Variants in TPH2 observed in about 807,000 individuals in gnomAD.
TPH2 encodes tryptophan hydroxylase 2.
A neutral mutation model predicts 59.1 loss-of-function variants in TPH2; 27 were observed. That is an observed-to-expected ratio of 0.46 (90% CI 0.34 to 0.63). The LOEUF is 0.63. Among genes scored for constraint, TPH2 ranks in the 30% least tolerant of loss-of-function variants. TPH2 has a pLI of 0.01. For synonymous variants in TPH2, 220 were observed against 210.5 expected (o/e 1.05, Z -0.39); for missense variants, 523 against 588.3 (o/e 0.89, Z 1.15).
chr12:71,938,945 T>C lies in TPH2; in HGVS notation c.-42T>C, dbSNP rs773223380. ...TCCGCCAGCGCTGCTACTGCCCCTCTAGTACCCCCTGCTGCAGAGAAAGAA... is the reference window on the plus strand; with the variant it reads ...TCCGCCAGCGCTGCTACTGCCCCTCCAGTACCCCCTGCTGCAGAGAAAGAA... On this transcript the variant is annotated 5_prime_UTR_variant, in exon 1 of 11. Transcript: ENST00000333850. 1 of 1,541,172 alleles carries C rather than the reference T, an allele frequency of 6.5e-7. No individual in the cohort carries two copies. The highest frequency in any genetic ancestry group is 2.2e-5 in the East Asian group (1 of 44,506).
intron 5 of TPH2, among the ~76,000 whole-genome samples, chr12:71,969,198 G>A (rs1326720356): frequency 6.6e-6 from 1 of 152,170 alleles, no homozygotes; most frequent in Non-Finnish European, 1.5e-5. Flanking sequence ...CAGGAGAATG[G>A]CGTGAACCCG....
chr12:71,994,305 G>A (rs1872642975), intron 7 of TPH2, 134 bp from the exon 8 acceptor site: 1 of 912,492 alleles, frequency 1.1e-6, no homozygotes, highest in Non-Finnish European at 1.8e-6. Flanking sequence ...TGATTAAGAA[G>A]TCCCAGCATT....
chr12:72,021,191 C>T (rs1873402640), intron 8 of TPH2, among the ~76,000 whole-genome samples: 1 of 152,144 alleles, frequency 6.6e-6, no homozygotes, highest in Non-Finnish European at 1.5e-5. Context: ...TTCAGCCTCT[C>T]TCAACAGCAC....
chr12:71,995,429 C>T (rs1872670820), intron 8 of TPH2, among the ~76,000 whole-genome samples: 1 of 152,178 alleles, frequency 6.6e-6, no homozygotes, highest in African/African-American at 2.4e-5. Context: ...GTATTCAGCA[C>T]AGGTACACCA....
chr12:71,948,971 G>C (rs1871274044), intron 4 of TPH2, among the ~76,000 whole-genome samples: 1 of 152,126 alleles, frequency 6.6e-6, no homozygotes, highest in Non-Finnish European at 1.5e-5. Flanking sequence ...TCTTGAAGTT[G>C]GCTAAGACTA....
chr12:71,956,042 G>C (rs1028895169), intron 5 of TPH2, among the ~76,000 whole-genome samples: 4 of 152,182 alleles, frequency 2.6e-5, no homozygotes, highest in Non-Finnish European at 5.9e-5. Flanking sequence ...TCATCCAAAG[G>C]CTTGACTAGG....
Position 71,944,370 on chromosome 12 carries a change from A to C in TPH2, c.332A>C (p.Asp111Ala). The C allele has an allele frequency of 6.2e-7, 1 of 1,613,906 alleles. No homozygotes were observed. The change falls in exon 3 of 11, where the codon GAC becomes GCC. Residue 111 changes from aspartate (D) to alanine (A), a missense_variant. Transcript: ENST00000333850. ...AGTTCTGAGGTTGAAATCTTTGTGG[A>C]CTGTGAGTGTGGGAAAACAGAATTC... Reference protein sequence around the residue: ...RRSSEVEIFVDCECGKTEFNE... With the variant: ...RRSSEVEIFVACECGKTEFNE...
At chr12:71,988,645 G>A (rs889628432) in intron 7 of TPH2, among the ~76,000 whole-genome samples, 2 of 152,124 alleles carry the variant, frequency 1.3e-5, no homozygotes, top group Non-Finnish European at 1.5e-5. Flanking sequence ...CTCCCACCAG[G>A]CCCCACCTTC....
chr12:72,002,697 G>A (rs1350295703), intron 8 of TPH2, among the ~76,000 whole-genome samples: 1 of 150,814 alleles, frequency 6.6e-6, no homozygotes, highest in African/African-American at 2.4e-5. Context: ...AATCTAGAAT[G>A]TTTTTTGAAA....
In TPH2 at chr12:72,027,270, C is replaced by T. The variant is rs142176882; in HGVS notation, c.1165-3988C>T. ...CGTTTAATTCTCTACGGGTTTCAGACCCCTGAGGGAGAAGGGCTGCACAAA... is the reference window on the plus strand; with the variant it reads ...CGTTTAATTCTCTACGGGTTTCAGATCCCTGAGGGAGAAGGGCTGCACAAA... On this transcript the variant is annotated intron_variant, in intron 9 of 10. Transcript: ENST00000333850. 3.2e-3 allele frequency among the ~76,000 whole-genome samples: 483 copies of T among 152,240 alleles called. 1 individual carries two copies. Among genetic ancestry groups the T allele is most frequent in the Middle Eastern group, 0.01 (3 of 294 alleles).
intron 5 of TPH2, chr12:71,965,084 A>G (rs563725084): frequency 6.6e-6 from 1 of 152,336 alleles, no homozygotes; most frequent in East Asian, 1.9e-4. Flanking sequence ...AATAGCCTCC[A>G]GCTCCATCCA....
intron 7 of TPH2, among the ~76,000 whole-genome samples, chr12:71,992,178 G>T (rs531992346): frequency 3.9e-5 from 6 of 152,274 alleles, no homozygotes; most frequent in Non-Finnish European, 1.5e-5. Context: ...TCTTCCTACG[G>T]CCTAAGCTAT....
chr12:71,949,599 C>T lies in TPH2; in HGVS notation c.552C>T (p.Asp184=). 1.9e-6 allele frequency: 3 copies of T among 1,612,936 alleles called. No homozygotes were observed. The highest frequency in any genetic ancestry group is 2.5e-6 in the Non-Finnish European group (3 of 1,179,146). The part of the protein sequence containing the change: ...ELDADHPGFK[D]NVYRQRRKYF... Reference sequence around the variant, plus strand: ...TTTTTGTGTTTAAGGGATTTAAGGACAATGTCTATCGACAGAGAAGAAAGT... The same window carrying T: ...TTTTTGTGTTTAAGGGATTTAAGGATAATGTCTATCGACAGAGAAGAAAGT... Residue 184 remains aspartate (D), a synonymous_variant, in exon 5 of 11, where the codon GAC becomes GAT. Coordinates refer to ENST00000333850, the MANE Select transcript of TPH2 (RefSeq NM_173353.4).
chr12:71,987,895 C>T (rs1034485025), intron 7 of TPH2, among the ~76,000 whole-genome samples: 2 of 152,204 alleles, frequency 1.3e-5, no homozygotes, highest in African/African-American at 4.8e-5. Context: ...ATCTTACAAT[C>T]TCCACTTTAT....
At chr12:71,998,943 A>G (rs974617085) in intron 8 of TPH2, among the ~76,000 whole-genome samples, 1 of 152,216 alleles carries the variant, frequency 6.6e-6, no homozygotes, top group East Asian at 1.9e-4. Context: ...CTCTTTTTCT[A>G]TAGTGCCTGC....
chr12:72,016,478 G>C (rs1042822044), intron 8 of TPH2, among the ~76,000 whole-genome samples: 3 of 152,054 alleles, frequency 2.0e-5, no homozygotes, highest in Non-Finnish European at 4.4e-5. Context: ...AGGGTCTGAG[G>C]ACCTGAGGGA....
intron 8 of TPH2, among the ~76,000 whole-genome samples, chr12:72,007,576 G>GT (rs1872988769): frequency 6.6e-6 from 1 of 152,132 alleles, no homozygotes; most frequent in Admixed American, 6.5e-5. Flanking sequence ...TCTGAAAGAT[G>GT]TTGTTTGCTC....
At chr12:71,962,002 C>A (rs1316922364) in intron 5 of TPH2, 1 of 1,028,080 alleles carries the variant, frequency 9.7e-7, no homozygotes, top group East Asian at 8.7e-5. Flanking sequence ...TTCATGTGTG[C>A]AAAACTCATT....
intron 9 of TPH2, among the ~76,000 whole-genome samples, chr12:72,028,317 A>T (rs568085731): frequency 2.6e-5 from 4 of 152,250 alleles, no homozygotes; most frequent in African/African-American, 9.6e-5. Flanking sequence ...TTTACAGAGA[A>T]TCCACTCTGG....
Sources: gnomAD v4.1 joint callset for allele counts (sites outside exome capture counted in the v4.1 genomes callset) on GRCh38, gnomAD v4.1.1 for gene constraint, MANE v1.5 for transcripts, NCBI Gene and HGNC (gene_info 2026-07-23, HGNC 2026-07-21) for gene names.